Variants in SLC44A5 observed in about 807,000 individuals in gnomAD.
SLC44A5 encodes the protein choline transporter-like protein 5.
In SLC44A5, 57 loss-of-function variants were observed where a neutral mutation model predicts 101.8. That is an observed-to-expected ratio of 0.56 (90% CI 0.45 to 0.70). The LOEUF is 0.70. Among genes scored for constraint, SLC44A5 ranks in the 30% least tolerant of loss-of-function variants. SLC44A5 has a pLI of 0.00. For synonymous variants in SLC44A5, 281 were observed against 290.9 expected (o/e 0.97, Z 0.35); for missense variants, 737 against 853.1 (o/e 0.86, Z 1.70).
chr1:75,300,772 A>G (rs1483318992), intron 4 of SLC44A5, 87 bp from the exon 5 acceptor site: 6 of 755,490 alleles, frequency 7.9e-6, no homozygotes, highest in Non-Finnish European at 1.2e-5. Context: ...AGAGAAAAAG[A>G]TAGTAATAGT....
intron 4 of SLC44A5, among the ~76,000 whole-genome samples, chr1:75,308,349 GC>G (rs1655059158): frequency 6.6e-6 from 1 of 151,568 alleles, no homozygotes; most frequent in Admixed American, 6.6e-5. Context: ...GCTTTAACTG[GC>G]TGTGATTTAT....
intron 2 of SLC44A5, among the ~76,000 whole-genome samples, chr1:75,536,733 G>A (rs1483216305): frequency 1.3e-5 from 2 of 148,706 alleles, no homozygotes; most frequent in South Asian, 2.1e-4. Flanking sequence ...TAGGCCGGGC[G>A]CGGTGGCTCA....
intron 2 of SLC44A5, among the ~76,000 whole-genome samples, chr1:75,529,981 G>T (rs1670630620): frequency 6.6e-6 from 1 of 152,096 alleles, no homozygotes; most frequent in African/African-American, 2.4e-5. Context: ...ATCAAATTTA[G>T]TGACTCAGGA....
At chr1:75,512,161 A>G (rs1342888288) in intron 2 of SLC44A5, among the ~76,000 whole-genome samples, 1 of 152,206 alleles carries the variant, frequency 6.6e-6, no homozygotes, top group Non-Finnish European at 1.5e-5. Context: ...TATATAATCT[A>G]CTTTAAGGAA....
intron 2 of SLC44A5, among the ~76,000 whole-genome samples, chr1:75,511,780 C>T (rs1669583117): frequency 6.6e-6 from 1 of 152,212 alleles, no homozygotes; most frequent in Admixed American, 6.5e-5. Context: ...CACTAAATAG[C>T]TGCTAGCTTC....
chr1:75,339,304 A>T (rs1657685784), intron 4 of SLC44A5, among the ~76,000 whole-genome samples: 1 of 150,320 alleles, frequency 6.7e-6, no homozygotes, highest in Non-Finnish European at 1.5e-5. Context: ...AATCTCATAA[A>T]GCATTTTTTT....
chr1:75,670,043 G>T, the SLC44A5 span, among the ~76,000 whole-genome samples: 3 of 152,096 alleles, frequency 2.0e-5, no homozygotes, highest in East Asian at 5.8e-4. Flanking sequence ...CAGCCTGAAG[G>T]AGCTCAAGAG....
intron 2 of SLC44A5, among the ~76,000 whole-genome samples, chr1:75,464,221 C>CAAAAAAAAAAAAAAAAAAA (rs57630961): frequency 1.9e-5 from 1 of 52,226 alleles, no homozygotes; most frequent in Admixed American, 2.2e-4. Context: ...GACTCTGTCT[C>CAAAAAAAAAAAAAAAAAAA]AAAAAAAAAA....
At chr1:75,679,648 CT>C in the SLC44A5 span, among the ~76,000 whole-genome samples, 1 of 152,086 alleles carries the variant, frequency 6.6e-6, no homozygotes, top group Non-Finnish European at 1.5e-5. Flanking sequence ...GTACCAGCCG[CT>C]GCAAAATCAT....
chr1:75,697,257 T>A, the SLC44A5 span, among the ~76,000 whole-genome samples: 1 of 152,178 alleles, frequency 6.6e-6, no homozygotes, highest in African/African-American at 2.4e-5. Flanking sequence ...AAATTGTTTT[T>A]TAAAGTAGTT....
chr1:75,486,862 C>A (rs1008774960), intron 2 of SLC44A5, among the ~76,000 whole-genome samples: 1 of 152,148 alleles, frequency 6.6e-6, no homozygotes, highest in Non-Finnish European at 1.5e-5. Flanking sequence ...ATTTCAATAA[C>A]ATTCATAGAG....
chr1:75,627,296 G>A, the SLC44A5 span, among the ~76,000 whole-genome samples: 1 of 152,070 alleles, frequency 6.6e-6, no homozygotes, highest in Non-Finnish European at 1.5e-5. Flanking sequence ...TCCTAGTTCA[G>A]TGGTAAGTAA....
chr1:75,235,511 G>C (rs1227657373), intron 11 of SLC44A5, among the ~76,000 whole-genome samples: 3 of 151,860 alleles, frequency 2.0e-5, no homozygotes, highest in African/African-American at 7.2e-5. Context: ...TCTGACAATA[G>C]GAGAATCAAT....
upstream of SLC44A5, among the ~76,000 whole-genome samples, chr1:75,611,855 C>T (rs1296866640): frequency 6.6e-6 from 1 of 151,890 alleles, no homozygotes; most frequent in Non-Finnish European, 1.5e-5. Flanking sequence ...CTTCTGTGGA[C>T]CCCTTTCTGT....
intron 2 of SLC44A5, among the ~76,000 whole-genome samples, chr1:75,470,683 T>C (rs553787847): frequency 1.3e-4 from 20 of 152,138 alleles, no homozygotes; most frequent in African/African-American, 4.8e-4. Flanking sequence ...TGAAAGGAAT[T>C]TGAAGCAGAG....
the SLC44A5 span, among the ~76,000 whole-genome samples, chr1:75,689,713 T>C: frequency 1.3e-5 from 2 of 152,204 alleles, no homozygotes; most frequent in Non-Finnish European, 2.9e-5. Flanking sequence ...GGCTACATAA[T>C]TTCAATAACC....
chr1:75,339,662 TA>T, intron 3 of SLC44A5, 32 bp from the exon 4 acceptor site: 1 of 1,569,054 alleles, frequency 6.4e-7, no homozygotes, highest in Non-Finnish European at 8.7e-7. Flanking sequence ...TTTAAGCATA[TA>T]AGCCAGCAAA....
At chr1:75,679,901 T>C in the SLC44A5 span, among the ~76,000 whole-genome samples, 86 of 149,446 alleles carry the variant, frequency 5.8e-4, no homozygotes, top group African/African-American at 2.0e-3. Context: ...AGGCTCAAAA[T>C]AAAAGGATGG....
intron 2 of SLC44A5, among the ~76,000 whole-genome samples, chr1:75,483,157 G>A (rs1439123051): frequency 1.3e-5 from 2 of 152,178 alleles, no homozygotes; most frequent in African/African-American, 2.4e-5. Flanking sequence ...CAGGACAAAG[G>A]GAAAACTGCG....
Sources: allele counts gnomAD v4.1 joint callset (sites outside exome capture counted in the v4.1 genomes callset), GRCh38; gene constraint gnomAD v4.1.1; transcripts MANE v1.5; gene names NCBI Gene and HGNC (gene_info 2026-07-23, HGNC 2026-07-21).